HYDIN: variants seen among roughly 807,000 people sequenced by gnomAD.
The protein encoded by HYDIN is HYDIN axonemal central pair apparatus protein.
HYDIN carries 132 observed loss-of-function variants against 403.9 expected under a neutral mutation model. That is an observed-to-expected ratio of 0.33 (90% CI 0.28 to 0.38). The LOEUF (loss-of-function observed/expected upper bound fraction) is 0.38. Among genes scored for constraint, HYDIN ranks in the 10% least tolerant of loss-of-function variants. HYDIN has a pLI of 1.00. For missense variants in HYDIN, 2,827 were observed against 5,009.5 expected, an observed-to-expected ratio of 0.56 and a Z score of 13.15; for synonymous variants, 1,202 against 1,891.7, an observed-to-expected ratio of 0.64 and a Z score of 9.46.
intron 75 of HYDIN, among the ~76,000 whole-genome samples, chr16:70,842,228 C>G (rs1224939967): frequency 6.6e-6 from 1 of 151,874 alleles, no homozygotes; most frequent in African/African-American, 2.4e-5. Context: ...CTATTCAAGT[C>G]TTCTTATTTC....
At chr16:70,834,803 A>G (rs1225774476) in intron 78 of HYDIN, among the ~76,000 whole-genome samples, 3 of 151,436 alleles carry the variant, frequency 2.0e-5, no homozygotes, top group Admixed American at 2.0e-4. Flanking sequence ...AGCTGAGATC[A>G]CACCAGTGCA....
chr16:70,955,303 C>T (rs2078198161), intron 40 of HYDIN, 72 bp downstream of exon 40: 2 of 986,988 alleles, frequency 2.0e-6, no homozygotes, highest in African/African-American at 3.3e-5. Context: ...CAGTGGGGCA[C>T]AGAGAAGATG....
chr16:70,823,512 C>CT (rs2036395315), intron 83 of HYDIN, among the ~76,000 whole-genome samples: 1 of 84,836 alleles, frequency 1.2e-5, no homozygotes, highest in Non-Finnish European at 2.3e-5. Flanking sequence ...GCCCTTTCTC[C>CT]TAAGTCTTTC....
intron 18 of HYDIN, among the ~76,000 whole-genome samples, chr16:71,052,423 G>A (rs1240189265): frequency 6.6e-6 from 1 of 151,912 alleles, no homozygotes; most frequent in African/African-American, 2.4e-5. Flanking sequence ...GTGATAGGAC[G>A]AATGGCTTTC....
intron 18 of HYDIN, among the ~76,000 whole-genome samples, chr16:71,037,682 C>A (rs1186712230): frequency 2.0e-5 from 3 of 152,098 alleles, no homozygotes; most frequent in African/African-American, 7.2e-5. Flanking sequence ...TGAAAGCAGT[C>A]CCTGACCGAG....
intron 18 of HYDIN, 40 bp from the exon 19 acceptor site, chr16:71,031,957 T>C (rs1396910956): frequency 1.9e-6 from 3 of 1,584,014 alleles, no homozygotes; most frequent in South Asian, 2.3e-5. Flanking sequence ...AAGATATTCT[T>C]GGCTTTTTGT....
chr16:70,859,112 T>C (rs1293795656), intron 71 of HYDIN, among the ~76,000 whole-genome samples: 2 of 151,436 alleles, frequency 1.3e-5, no homozygotes, highest in East Asian at 1.9e-4. Context: ...CCATCCTGGC[T>C]AACACGGTGA....
intron 1 of HYDIN, among the ~76,000 whole-genome samples, chr16:71,218,234 A>G (rs2088993133): frequency 6.6e-6 from 1 of 152,210 alleles, no homozygotes; most frequent in South Asian, 2.1e-4. Flanking sequence ...AACATATTCT[A>G]TTAATCCCAA....
In HYDIN at chr16:70,807,506, T is replaced by G; in HGVS notation, c.*74A>C. 6.8e-7 allele frequency: 1 copy of G among 1,471,034 alleles called. No homozygotes were observed. The highest frequency in any genetic ancestry group is 9.1e-7 in the Non-Finnish European group (1 of 1,092,944). 91.1% of individuals were successfully genotyped at this position (1,471,034 alleles called of 1,614,324 possible). A position where few individuals can be genotyped will look rare whatever the true frequency, so the allele number is the denominator to read the frequency against. On this transcript the variant is annotated 3_prime_UTR_variant, in exon 86 of 86. Coordinates refer to ENST00000393567, the MANE Select transcript of HYDIN (RefSeq NM_001270974.2). The stretch of plus-strand genomic sequence containing the variant: ...ATAAAAACAGTTCCTTTAGAATTCT[T>G]ATTGTTTTCTCTATTCTTTTTCAGG...
intron 29 of HYDIN, 60 bp from the exon 30 acceptor site, chr16:70,979,101 T>C: frequency 1.4e-6 from 2 of 1,424,682 alleles, no homozygotes; most frequent in African/African-American, 1.4e-5. Flanking sequence ...GTCAGAAAAA[T>C]ATGAATGATG....
At chr16:71,029,664 G>A (rs1443280541) in intron 19 of HYDIN, among the ~76,000 whole-genome samples, 1 of 134,442 alleles carries the variant, frequency 7.4e-6, no homozygotes, top group African/African-American at 2.8e-5. Flanking sequence ...ATATTTAGTC[G>A]ACTTGAAAAA....
intron 77 of HYDIN, among the ~76,000 whole-genome samples, chr16:70,836,586 G>T (rs1282992560): frequency 1.3e-5 from 2 of 152,228 alleles, no homozygotes; most frequent in African/African-American, 2.4e-5. Flanking sequence ...TTAAAATGGT[G>T]CCTGGGTCAG....
intron 1 of HYDIN, among the ~76,000 whole-genome samples, chr16:71,206,771 A>C (rs1276720019): frequency 6.6e-6 from 1 of 152,254 alleles, no homozygotes; most frequent in Non-Finnish European, 1.5e-5. Flanking sequence ...CAACAATTTC[A>C]TAAAGCAATC....
At chr16:70,897,988 G>C (rs1486912585) in intron 53 of HYDIN, among the ~76,000 whole-genome samples, 1 of 151,108 alleles carries the variant, frequency 6.6e-6, no homozygotes, top group Admixed American at 6.6e-5. Flanking sequence ...GGGCAACATG[G>C]CAAGACCTCA....
intron 35 of HYDIN, among the ~76,000 whole-genome samples, chr16:70,971,210 T>G (rs2078722608): frequency 6.6e-6 from 1 of 152,226 alleles, no homozygotes; most frequent in African/African-American, 2.4e-5. Flanking sequence ...TATTAAGCAA[T>G]GACTCTGGGG....
chr16:70,806,780 T>C lies in HYDIN; in HGVS notation c.*800A>G, dbSNP rs1014090350. Among the ~76,000 whole-genome samples, 5 of 152,116 alleles carry C rather than the reference T, an allele frequency of 3.3e-5. No homozygotes were observed. The highest frequency in any genetic ancestry group is 1.2e-4 in the African/African-American group (5 of 41,406). ...TTAACCATCTGCTATACAAGTTAAA[T>C]GTATATAATAAAGATGCCCACACCC... is the stretch of plus-strand genomic sequence containing the variant. On this transcript the variant is annotated 3_prime_UTR_variant, in exon 86 of 86. Transcript: ENST00000393567.
In HYDIN at chr16:70,962,049, G is replaced by C; in HGVS notation, c.5878C>G (p.Leu1960Val). Reference protein sequence around the residue: ...LSRGISVTSNLEEWHALLVES... With the variant: ...LSRGISVTSNVEEWHALLVES... Reference sequence around the variant, plus strand: ...ACCAACAGGGCGTGCCATTCTTCCAGGTTGGATGTGACAGAGATCCCTCGG... The same window carrying C: ...ACCAACAGGGCGTGCCATTCTTCCACGTTGGATGTGACAGAGATCCCTCGG... The change falls in exon 38 of 86, where the codon CTG becomes GTG. Residue 1960 changes from leucine to valine, a missense_variant. By Grantham distance (32) the Leu-to-Val change is conservative (BLOSUM62 1). Transcript: ENST00000393567. 2 of 1,119,496 alleles carry C rather than the reference G, an allele frequency of 1.8e-6. No homozygotes were observed. The highest frequency in any genetic ancestry group is 1.5e-5 in the South Asian group (1 of 67,914). 69.3% of individuals were successfully genotyped at this position (1,119,496 alleles called of 1,614,324 possible).
intron 5 of HYDIN, among the ~76,000 whole-genome samples, chr16:71,165,808 G>A (rs1365999579): frequency 3.3e-5 from 5 of 150,974 alleles, no homozygotes; most frequent in Admixed American, 6.6e-5. Context: ...AGTGACAAAT[G>A]AAGCCATGTG....
At chr16:70,902,817 A>ATTTT (rs2076423845) in intron 52 of HYDIN, among the ~76,000 whole-genome samples, 2 of 15,654 alleles carry the variant, frequency 1.3e-4, no homozygotes, top group African/African-American at 5.5e-4. Flanking sequence ...ATATATATAT[A>ATTTT]TATATTTTTT....
Sources: gnomAD v4.1 joint callset for allele counts (sites outside exome capture counted in the v4.1 genomes callset) on GRCh38, gnomAD v4.1.1 for gene constraint, MANE v1.5 for transcripts, NCBI Gene and HGNC (gene_info 2026-07-23, HGNC 2026-07-21) for gene names.